MMP26: variants seen among roughly 807,000 people sequenced by gnomAD.
MMP26 encodes matrix metallopeptidase 26.
MMP26 carries 33 observed loss-of-function variants against 31.0 expected under a neutral mutation model. The observed-to-expected ratio is 1.06, with a 90% confidence interval of 0.81 to 1.42. The LOEUF is 1.42. Ranked by LOEUF, MMP26 falls within the 40% of genes most tolerant of loss-of-function variation. MMP26 has a pLI of 0.00. For missense variants in MMP26, 347 were observed against 316.1 expected, an observed-to-expected ratio of 1.10 and a Z score of -0.74; for synonymous variants, 122 against 114.9, an observed-to-expected ratio of 1.06 and a Z score of -0.40.
chr11:4,848,964 ACCAAT>A (rs1849929743), intron 2 of MMP26: 1 of 1,614,148 alleles, frequency 6.2e-7, no homozygotes, highest in African/African-American at 1.3e-5. Flanking sequence ...CAGGGCAGTG[ACCAAT>A]CCAATATCAG....
At chr11:4,711,088 T>C (rs995368673) in intron 1 of MMP26, 1 of 152,310 alleles carries the variant, frequency 6.6e-6, no homozygotes, top group African/African-American at 2.4e-5. Flanking sequence ...TCTAAATATA[T>C]GTCTAAAGAA....
chr11:4,894,311 A>G (rs1265534724), intron 2 of MMP26, among the ~76,000 whole-genome samples: 2 of 152,184 alleles, frequency 1.3e-5, no homozygotes, highest in Non-Finnish European at 2.9e-5. Context: ...CAAAGAACAG[A>G]TATTGTTAAG....
chr11:4,763,112 A>T (rs78826809), intron 1 of MMP26, among the ~76,000 whole-genome samples: 2,802 of 152,312 alleles, frequency 0.018, 93 homozygotes, highest in African/African-American at 0.063. Flanking sequence ...TAAGGAGAGT[A>T]CTTGATAGAA....
chr11:4,793,359 G>A (rs1256171288), intron 2 of MMP26, among the ~76,000 whole-genome samples: 1 of 151,914 alleles, frequency 6.6e-6, no homozygotes, highest in African/African-American at 2.4e-5. Flanking sequence ...TAAAACTTGT[G>A]GCTTTTACAA....
chr11:4,910,298 C>G (rs1487343070), intron 2 of MMP26, among the ~76,000 whole-genome samples: 2 of 152,066 alleles, frequency 1.3e-5, no homozygotes, highest in African/African-American at 2.4e-5. Context: ...TAAGGAGTCT[C>G]TACTTCTAAG....
intron 2 of MMP26, among the ~76,000 whole-genome samples, chr11:4,918,231 C>A (rs1348596839): frequency 1.3e-5 from 2 of 152,110 alleles, no homozygotes; most frequent in African/African-American, 4.8e-5. Flanking sequence ...AGCTTCAAGG[C>A]ACATACTGAG....
intron 3 of MMP26, among the ~76,000 whole-genome samples, chr11:4,989,250 C>A (rs894214089): frequency 2.0e-5 from 3 of 152,034 alleles, no homozygotes; most frequent in African/African-American, 7.2e-5. Flanking sequence ...CAGAACCAGC[C>A]AAATTTTATG....
At chr11:4,857,197 G>A (rs1850066225) in intron 2 of MMP26, among the ~76,000 whole-genome samples, 1 of 151,918 alleles carries the variant, frequency 6.6e-6, no homozygotes, top group South Asian at 2.1e-4. Context: ...TCAAAAGCTA[G>A]CAGAAGACAA....
At chr11:4,762,973 T>C (rs1441869703) in intron 1 of MMP26, among the ~76,000 whole-genome samples, 1 of 152,236 alleles carries the variant, frequency 6.6e-6, no homozygotes, top group Non-Finnish European at 1.5e-5. Flanking sequence ...GATTGGGATT[T>C]AGTATCTTCT....
intron 2 of MMP26, among the ~76,000 whole-genome samples, chr11:4,895,425 C>CT (rs1180932655): frequency 6.6e-6 from 1 of 152,156 alleles, no homozygotes. Context: ...GACTTCCGAC[C>CT]CTGTGAAGTC....
chr11:4,859,665 C>T (rs972081004), intron 2 of MMP26: 2 of 465,458 alleles, frequency 4.3e-6, no homozygotes, highest in African/African-American at 4.0e-5. Context: ...TTCAAATTTG[C>T]TTGGTCTTCA....
At chr11:4,904,016 T>C (rs1850843860) in intron 2 of MMP26, among the ~76,000 whole-genome samples, 1 of 152,118 alleles carries the variant, frequency 6.6e-6, no homozygotes, top group Admixed American at 6.5e-5. Flanking sequence ...TTTATTTACT[T>C]AATAATATGA....
chr11:4,828,891 T>A (rs189984742), intron 2 of MMP26, among the ~76,000 whole-genome samples: 2 of 152,254 alleles, frequency 1.3e-5, no homozygotes, highest in Admixed American at 1.3e-4. Flanking sequence ...ATATTCTGTA[T>A]CGCTTTTGTC....
intron 2 of MMP26, among the ~76,000 whole-genome samples, chr11:4,799,205 A>G (rs1419911155): frequency 6.6e-6 from 1 of 152,166 alleles, no homozygotes; most frequent in African/African-American, 2.4e-5. Context: ...CCTCAGGGTA[A>G]TTTATAAAGA....
Position 4,912,903 on chromosome 11 carries a change from T to A in MMP26, c.-144-75165T>A, listed in dbSNP as rs942101618. ...TTACACAAAAACCTCAGGACTATCA[T>A]GTTGTCTAGCCTGGAATGTTAAACA... On this transcript the variant is annotated intron_variant, in intron 2 of 7. Coordinates refer to ENST00000380390, the MANE Select transcript of MMP26 (RefSeq NM_021801.5). 2 of 152,058 alleles carry A rather than the reference T, an allele frequency of 1.3e-5. 1 individual carries two copies. The highest frequency in any genetic ancestry group is 2.9e-5 in the Non-Finnish European group (2 of 68,016). 9.4% of individuals were successfully genotyped at this position (152,058 alleles called of 1,614,324 possible).
At chr11:4,772,663 T>G (rs1328258737) in intron 2 of MMP26, among the ~76,000 whole-genome samples, 1 of 152,220 alleles carries the variant, frequency 6.6e-6, no homozygotes, top group Non-Finnish European at 1.5e-5. Context: ...AGCACCTGAT[T>G]ATTGAGAGAG....
Position 4,773,386 on chromosome 11 carries a change from A to G in MMP26, c.-145+6045A>G, listed in dbSNP as rs560089287. Among the ~76,000 whole-genome samples, 33 of 152,350 alleles carry G rather than the reference A, an allele frequency of 2.2e-4. 1 individual carries two copies. Among genetic ancestry groups the G allele is most frequent in the Admixed American group, 1.6e-3 (24 of 15,302 alleles). On this transcript the variant is annotated intron_variant, in intron 2 of 7. Coordinates refer to ENST00000380390, the MANE Select transcript of MMP26 (RefSeq NM_021801.5). The stretch of plus-strand genomic sequence containing the variant: ...GCTAACAACCAGCCAAGAACTGAAC[A>G]TGGCCTCCTAGCCAACATGTAGCAA...
At position 4,753,440 on chromosome 11, in the gene MMP26, C is replaced by T. The variant is rs74052084; in HGVS notation, c.-216-13830C>T. On this transcript the variant is annotated intron_variant, in intron 1 of 7. Transcript: ENST00000380390. Reference sequence around the variant, plus strand: ...TGTTTACCACTTACTCTCTTGTACTCTCATCATTTTGATTAAATTTTTCAT... The same window carrying T: ...TGTTTACCACTTACTCTCTTGTACTTTCATCATTTTGATTAAATTTTTCAT... 5.7e-3 allele frequency among the ~76,000 whole-genome samples: 868 copies of T among 152,124 alleles called. 11 individuals are homozygous for T. Among genetic ancestry groups the T allele is most frequent in the African/African-American group, 0.019 (799 of 41,526 alleles).
At chr11:4,851,053 C>T (rs1467399946) in intron 2 of MMP26, among the ~76,000 whole-genome samples, 2 of 152,210 alleles carry the variant, frequency 1.3e-5, no homozygotes. Flanking sequence ...AACACATCCT[C>T]TCCCCTACAA....
Sources: allele counts gnomAD v4.1 joint callset (sites outside exome capture counted in the v4.1 genomes callset), GRCh38; gene constraint gnomAD v4.1.1; transcripts MANE v1.5; gene names NCBI Gene and HGNC (gene_info 2026-07-23, HGNC 2026-07-21).